The following PI4KA variants were observed in gnomAD, a reference collection of about 807,000 sequenced individuals.
PI4KA encodes the protein phosphatidylinositol 4-kinase alpha, also known as PI4-kinase alpha.
A neutral mutation model predicts 271.4 loss-of-function variants in PI4KA; 122 were observed. That is an observed-to-expected ratio of 0.45 (90% CI 0.39 to 0.52). The LOEUF (loss-of-function observed/expected upper bound fraction) is 0.52. Among genes scored for constraint, PI4KA ranks in the 20% least tolerant of loss-of-function variants. PI4KA has a pLI of 0.00. For missense variants in PI4KA, 1,969 were observed against 2,769.1 expected (o/e 0.71, Z 6.48); for synonymous variants, 1,041 against 1,078.8 (o/e 0.96, Z 0.69).
chr22:20,856,863 T>C (rs1277831543), intron 1 of PI4KA, among the ~76,000 whole-genome samples: 1 of 152,238 alleles, frequency 6.6e-6, no homozygotes, highest in African/African-American at 2.4e-5. Flanking sequence ...TTTTCTGAGT[T>C]ACTGAGTGGA....
chr22:20,764,808 C>T lies in PI4KA; in HGVS notation c.2708+9G>A, dbSNP rs1263147700. On this transcript the variant is annotated intron_variant, in intron 22 of 54. Coordinates refer to ENST00000255882, the MANE Select transcript of PI4KA (RefSeq NM_058004.4). ...ATGTGCATGTGCATGGTGGTGAAGG[C>T]ACGTGTACCTCATGTACTCCAGCCG... The T allele has an allele frequency of 1.9e-6, 3 of 1,607,016 alleles. No individual in the cohort carries two copies. Among genetic ancestry groups the T allele is most frequent in the South Asian group, 2.2e-5 (2 of 89,846 alleles).
chr22:20,738,136 T>TAGGCAGGTGTGTGC (rs1902933275), intron 32 of PI4KA, among the ~76,000 whole-genome samples: 1 of 151,230 alleles, frequency 6.6e-6, no homozygotes, highest in Non-Finnish European at 1.5e-5. Context: ...CAGGTGTGTG[T>TAGGCAGGTGTGTGC]AGGCAGGTGT....
intron 1 of PI4KA, among the ~76,000 whole-genome samples, chr22:20,842,757 G>A (rs1039255425): frequency 9.3e-5 from 14 of 150,090 alleles, no homozygotes; most frequent in Admixed American, 8.1e-4. Context: ...AGATAGCAGT[G>A]AGCCGAGATT....
intron 10 of PI4KA, among the ~76,000 whole-genome samples, 162 bp downstream of exon 10, chr22:20,807,200 T>C (rs541215846): frequency 2.0e-5 from 3 of 152,282 alleles, no homozygotes; most frequent in African/African-American, 7.2e-5. Context: ...TTTTTTAAAT[T>C]TGCTTTTTTC....
chr22:20,796,235 G>A lies in PI4KA; in HGVS notation c.2188C>T (p.Leu730Phe). Residue 730 changes from leucine (L) to phenylalanine (F), a missense_variant, in exon 18 of 55, where the codon CTC becomes TTC. Physicochemically the swap from Leu to Phe is conservative, Grantham distance 22 (BLOSUM62 0). Coordinates refer to ENST00000255882, the MANE Select transcript of PI4KA (RefSeq NM_058004.4). ...IQDEHLVDEL[L>F]MNLLELFVQL... ...ACAAACAACTCCAACAGGTTCATGA[G>A]CAGCTCATCCACCAGGTGCTCGTCT... is the stretch of plus-strand genomic sequence containing the variant. 6.2e-7 allele frequency: 1 copy of A among 1,614,172 alleles called. No individual in the cohort carries two copies. The highest frequency in any genetic ancestry group is 8.5e-7 in the Non-Finnish European group (1 of 1,180,024).
At position 20,806,496 on chromosome 22, in the gene PI4KA, C is replaced by A. The variant is rs939765872; in HGVS notation, c.1168+866G>T. On this transcript the variant is annotated intron_variant, in intron 10 of 54. Coordinates refer to ENST00000255882, the MANE Select transcript of PI4KA (RefSeq NM_058004.4). ...ACCAGCCTGGCCAACATGGTAAAACCCCATCTCTACTAAAAATACAAAAAT... is the reference window on the plus strand; with the variant it reads ...ACCAGCCTGGCCAACATGGTAAAACACCATCTCTACTAAAAATACAAAAAT... Among the ~76,000 whole-genome samples the A allele has an allele frequency of 6.6e-5, 10 of 151,842 alleles. No individual in the cohort carries two copies. The East Asian group carries it at 2.0e-3, about 30-fold the overall frequency.
chr22:20,713,819 G>A (rs574443897), intron 47 of PI4KA, among the ~76,000 whole-genome samples: 3 of 152,350 alleles, frequency 2.0e-5, no homozygotes, highest in African/African-American at 4.8e-5. Context: ...TGGCCACACC[G>A]TCTGTACTGG....
intron 29 of PI4KA, among the ~76,000 whole-genome samples, chr22:20,747,225 C>T (rs1001556294): frequency 6.6e-6 from 1 of 152,196 alleles, no homozygotes; most frequent in African/African-American, 2.4e-5. Context: ...GTCCAGTATA[C>T]GCTCCAGATA....
Position 20,858,794 on chromosome 22 carries a change from G to T in PI4KA, c.-69C>A, listed in dbSNP as rs1473209526. ...GCCCGCGAGCGCCCGACCTCAGGGC[G>T]CAGGCGTAGGTGCATCCGGCTTTCC... On this transcript the variant is annotated 5_prime_UTR_variant, in exon 1 of 55. Coordinates refer to ENST00000255882, the MANE Select transcript of PI4KA (RefSeq NM_058004.4). 7.3e-7 allele frequency: 1 copy of T among 1,362,710 alleles called. No individual in the cohort carries two copies. The allele number at this position is 1,362,710 out of a possible 1,614,324, so 84.4% of individuals were successfully genotyped here.
In PI4KA at chr22:20,720,004, C is replaced by T. The variant is rs969761288; in HGVS notation, c.5117-1182G>A. Among the ~76,000 whole-genome samples, 72 of 121,004 alleles carry T rather than the reference C, an allele frequency of 6.0e-4. 3 individuals are homozygous for T. Among genetic ancestry groups the T allele is most frequent in the South Asian group, 2.7e-4 (1 of 3,706 alleles). 79.4% of individuals were successfully genotyped at this position (121,004 alleles called of 152,430 possible). On this transcript the variant is annotated intron_variant, in intron 43 of 54. Coordinates refer to ENST00000255882, the MANE Select transcript of PI4KA (RefSeq NM_058004.4). ...TCGTGCCACTGCACTCCAGCCTGGG[C>T]GACTAATCAAGACTCTGTCTCAAAA...
intron 36 of PI4KA, among the ~76,000 whole-genome samples, chr22:20,731,775 A>G (rs1017533466): frequency 3.3e-5 from 5 of 151,716 alleles, no homozygotes; most frequent in Admixed American, 3.3e-4. Context: ...TAAAAATACA[A>G]AAAATTAGCC....
intron 1 of PI4KA, among the ~76,000 whole-genome samples, chr22:20,856,437 CTTT>C (rs362093): frequency 5.8e-5 from 8 of 136,856 alleles, no homozygotes; most frequent in Admixed American, 1.5e-4. Context: ...TAATCTTTTT[CTTT>C]TTTTTTTTTT....
intron 19 of PI4KA, among the ~76,000 whole-genome samples, chr22:20,768,281 A>G (rs554531946): frequency 1.3e-5 from 2 of 152,196 alleles, no homozygotes; most frequent in South Asian, 4.1e-4. Flanking sequence ...TATGTTGCCC[A>G]GGGTGGTATT....
Position 20,727,385 on chromosome 22 carries a change from A to G in PI4KA, c.4786T>C (p.Trp1596Arg), listed in dbSNP as rs1432792428. The G allele has an allele frequency of 2.5e-6, 4 of 1,604,458 alleles. No individual in the cohort carries two copies. Among genetic ancestry groups the G allele is most frequent in the Non-Finnish European group, 3.4e-6 (4 of 1,175,622 alleles). ...VPEAIKFLVT[W>R]HTIDADAPEL... ...GGAGCATCGGCGTCGATGGTGTGCC[A>G]GGTGACCAGGAACTGCAGAGAAGGT... The change falls in exon 41 of 55, where the codon TGG becomes CGG. Residue 1596 changes from tryptophan (W) to arginine (R), a missense_variant. Trp to Arg is a moderately radical substitution (Grantham distance 101). This residue lies in a region of PI4KA where 388 missense variants were observed against 521.5 expected (regional missense o/e 0.74). Coordinates refer to ENST00000255882, the MANE Select transcript of PI4KA (RefSeq NM_058004.4).
chr22:20,858,431 C>T, intron 1 of PI4KA, 139 bp downstream of exon 1: 2 of 535,918 alleles, frequency 3.7e-6, no homozygotes, highest in Non-Finnish European at 5.7e-6. Context: ...CCCGCTAGAT[C>T]CCTCCGCTCA....
chr22:20,779,201 C>T, intron 19 of PI4KA: 2 of 1,596,694 alleles, frequency 1.3e-6, no homozygotes, highest in Non-Finnish European at 1.7e-6. Context: ...AGGGCCTCTT[C>T]CTGGGTCAAA....
chr22:20,839,925 T>C (rs529643103), intron 1 of PI4KA, among the ~76,000 whole-genome samples: 1 of 152,172 alleles, frequency 6.6e-6, no homozygotes, highest in South Asian at 2.1e-4. Context: ...GGATATACTA[T>C]AATAGTGGCT....
chr22:20,807,328 T>C, intron 10 of PI4KA, 34 bp downstream of exon 10: 1 of 1,322,342 alleles, frequency 7.6e-7, no homozygotes, highest in Non-Finnish European at 1.1e-6. Flanking sequence ...CCAGTCTTGC[T>C]GTACTCACAA....
intron 32 of PI4KA, among the ~76,000 whole-genome samples, chr22:20,738,908 A>G (rs1929046511): frequency 6.6e-6 from 1 of 152,114 alleles, no homozygotes; most frequent in Admixed American, 6.5e-5. Flanking sequence ...ACCAGACATA[A>G]GAAAGACATC....
Sources: allele counts gnomAD v4.1 joint callset (sites outside exome capture counted in the v4.1 genomes callset), GRCh38; gene constraint gnomAD v4.1.1; regional missense constraint gnomAD v4.1.1; transcripts MANE v1.5; gene names NCBI Gene and HGNC (gene_info 2026-07-23, HGNC 2026-07-21).